SEMA5A: variants seen among roughly 807,000 people sequenced by gnomAD.
The protein encoded by SEMA5A is semaphorin-5A.
SEMA5A carries 55 observed loss-of-function variants against 135.5 expected under a neutral mutation model. The ratio of observed to expected loss-of-function variants is 0.41; its 90% confidence interval spans 0.33 to 0.51. The LOEUF (loss-of-function observed/expected upper bound fraction) is 0.51, where lower values mean the gene tolerates loss of function less well. Among genes scored for constraint, SEMA5A ranks in the 20% least tolerant of loss-of-function variants. The pLI is 0.37. For missense variants in SEMA5A, 1,290 were observed against 1,419.9 expected (o/e 0.91, Z 1.47); for synonymous variants, 580 against 546.5 (o/e 1.06, Z -0.85).
chr5:9,367,758 T>C (rs2126416932), intron 3 of SEMA5A, among the ~76,000 whole-genome samples: 2 of 152,340 alleles, frequency 1.3e-5, no homozygotes, highest in Middle Eastern at 6.8e-3. Flanking sequence ...TCCCCAATGT[T>C]GAGGGTGGGG....
intron 1 of SEMA5A, among the ~76,000 whole-genome samples, chr5:9,488,068 T>G (rs1328977394): frequency 6.6e-6 from 1 of 152,198 alleles, no homozygotes; most frequent in African/African-American, 2.4e-5. Flanking sequence ...CGGGGATAGC[T>G]GACCTCATCA....
At chr5:9,229,357 G>A (rs1174958584) in intron 6 of SEMA5A, among the ~76,000 whole-genome samples, 1 of 152,114 alleles carries the variant, frequency 6.6e-6, no homozygotes, top group Non-Finnish European at 1.5e-5. Flanking sequence ...AGGGTCAGGA[G>A]AGTTCTAAAG....
chr5:9,436,736 G>C (rs931408645), intron 2 of SEMA5A, among the ~76,000 whole-genome samples: 1 of 152,162 alleles, frequency 6.6e-6, no homozygotes, highest in Admixed American at 6.5e-5. Context: ...ACTAGTATAT[G>C]GAATGAAATT....
intron 16 of SEMA5A, among the ~76,000 whole-genome samples, chr5:9,075,390 TTTAATTGTAA>T (rs529014807): frequency 0.05 from 7,585 of 152,278 alleles, 291 homozygotes; most frequent in Middle Eastern, 0.12. Context: ...TCACAAAAGC[TTTAATTGTAA>T]TAGACAAGAA....
chr5:9,068,392 G>T (rs1393522923), intron 16 of SEMA5A, among the ~76,000 whole-genome samples: 1 of 152,170 alleles, frequency 6.6e-6, no homozygotes, highest in East Asian at 1.9e-4. Context: ...CCAGTGTCTT[G>T]CCTGTCTGGA....
intron 1 of SEMA5A, among the ~76,000 whole-genome samples, chr5:9,440,217 C>T (rs887031981): frequency 2.1e-4 from 32 of 152,202 alleles, no homozygotes; most frequent in Non-Finnish European, 3.8e-4. Context: ...GTGTCCTCTC[C>T]CAGCAAGGTC....
At chr5:9,300,270 C>T (rs531653987) in intron 5 of SEMA5A, among the ~76,000 whole-genome samples, 1 of 152,254 alleles carries the variant, frequency 6.6e-6, no homozygotes, top group East Asian at 1.9e-4. Context: ...TCAAGTGATC[C>T]ACCCGTCTTA....
intron 18 of SEMA5A, among the ~76,000 whole-genome samples, chr5:9,061,841 T>C (rs1451434435): frequency 6.6e-6 from 1 of 151,758 alleles, no homozygotes; most frequent in East Asian, 1.9e-4. Flanking sequence ...ATTAATGAGG[T>C]AGACCTTTTG....
chr5:9,043,730 G>A (rs961613082), intron 22 of SEMA5A, among the ~76,000 whole-genome samples: 15 of 152,220 alleles, frequency 9.9e-5, no homozygotes, highest in African/African-American at 3.4e-4. Flanking sequence ...ACAGCTGTCC[G>A]TACCTTCAAC....
intron 16 of SEMA5A, among the ~76,000 whole-genome samples, chr5:9,105,559 G>A (rs1739866677): frequency 6.6e-6 from 1 of 152,120 alleles, no homozygotes; most frequent in African/African-American, 2.4e-5. Context: ...AGCAGCTGAA[G>A]CCCATGGATA....
chr5:9,268,533 A>G (rs1749797480), intron 5 of SEMA5A, among the ~76,000 whole-genome samples: 1 of 152,172 alleles, frequency 6.6e-6, no homozygotes, highest in Non-Finnish European at 1.5e-5. Flanking sequence ...ATGTGATAGC[A>G]CTGATCTGGA....
intron 12 of SEMA5A, among the ~76,000 whole-genome samples, chr5:9,138,236 A>C (rs1387226163): frequency 6.6e-6 from 1 of 152,234 alleles, no homozygotes; most frequent in Non-Finnish European, 1.5e-5. Flanking sequence ...GGCAGTTATA[A>C]AGGACAAGGG....
chr5:9,057,340 G>A (rs1404618526), intron 18 of SEMA5A, among the ~76,000 whole-genome samples: 2 of 152,140 alleles, frequency 1.3e-5, no homozygotes, highest in Non-Finnish European at 2.9e-5. Flanking sequence ...TCATTTCAAC[G>A]GTTCCATAAT....
chr5:9,081,190 A>G (rs1416347923), intron 16 of SEMA5A, among the ~76,000 whole-genome samples: 3 of 152,154 alleles, frequency 2.0e-5, no homozygotes, highest in African/African-American at 4.8e-5. Context: ...ACAAATACCC[A>G]GTGAGCTTGA....
In SEMA5A at chr5:9,067,089, G is replaced by T. The variant is rs145038403; in HGVS notation, c.2074-443C>A. 5.7e-3 allele frequency among the ~76,000 whole-genome samples: 869 copies of T among 152,302 alleles called. 4 individuals carry two copies. Among genetic ancestry groups the T allele is most frequent in the African/African-American group, 0.02 (831 of 41,552 alleles). ...AGACCTGGGATCACAGATGTGAGGT[G>T]TTAGAGTGGTAGGGGAGCCACAAGA... On this transcript the variant is annotated intron_variant, in intron 16 of 22. Transcript: ENST00000382496.
chr5:9,443,144 G>A (rs1285592531), intron 1 of SEMA5A, among the ~76,000 whole-genome samples: 1 of 152,190 alleles, frequency 6.6e-6, no homozygotes, highest in African/African-American at 2.4e-5. Flanking sequence ...TCTGTCACTT[G>A]TTCCACAGGT....
chr5:9,279,923 G>C (rs898465982), intron 5 of SEMA5A, among the ~76,000 whole-genome samples: 1 of 152,130 alleles, frequency 6.6e-6, no homozygotes, highest in Non-Finnish European at 1.5e-5. Context: ...GGTAGTTCTT[G>C]ACAGCAGTGT....
intron 8 of SEMA5A, among the ~76,000 whole-genome samples, chr5:9,206,661 A>G (rs1219373014): frequency 2.6e-5 from 4 of 152,016 alleles, no homozygotes; most frequent in Non-Finnish European, 4.4e-5. Flanking sequence ...CACAATGGGA[A>G]TGAATATTAA....
chr5:9,524,966 G>GA (rs1266794840), intron 1 of SEMA5A, among the ~76,000 whole-genome samples: 1 of 151,892 alleles, frequency 6.6e-6, no homozygotes, highest in Non-Finnish European at 1.5e-5. Flanking sequence ...AGAGAGAGAG[G>GA]AAAAAAGAGA....
Sources: allele counts gnomAD v4.1 joint callset (sites outside exome capture counted in the v4.1 genomes callset), GRCh38; gene constraint gnomAD v4.1.1; transcripts MANE v1.5; gene names NCBI Gene and HGNC (gene_info 2026-07-23, HGNC 2026-07-21).